POU6F2: variants seen among roughly 807,000 people sequenced by gnomAD.
POU6F2 encodes POU class 6 homeobox 2.
A neutral mutation model predicts 71.3 loss-of-function variants in POU6F2; 31 were observed. The observed-to-expected ratio is 0.43, with a 90% confidence interval of 0.33 to 0.59. The LOEUF is 0.59. POU6F2 is among the 20% of genes least tolerant of loss of function. POU6F2 has a pLI of 0.04. For synonymous variants in POU6F2, 347 were observed against 355.7 expected (o/e 0.98, Z 0.27); for missense variants, 783 against 856.8 (o/e 0.91, Z 1.07).
intron 5 of POU6F2, among the ~76,000 whole-genome samples, chr7:39,370,546 T>C (rs1786586778): frequency 6.6e-6 from 1 of 152,220 alleles, no homozygotes; most frequent in Admixed American, 6.5e-5. Flanking sequence ...AGTTATTCAA[T>C]TGGATAATTT....
intron 2 of POU6F2, among the ~76,000 whole-genome samples, chr7:39,090,181 C>T (rs1034516001): frequency 6.6e-5 from 10 of 151,822 alleles, no homozygotes; most frequent in African/African-American, 1.9e-4. Flanking sequence ...TTGAAAAAGG[C>T]CTTAAAGTTG....
At chr7:39,397,507 T>A (rs1185771974) in intron 5 of POU6F2, among the ~76,000 whole-genome samples, 1 of 147,854 alleles carries the variant, frequency 6.8e-6, no homozygotes, top group Non-Finnish European at 1.5e-5. Context: ...TATATACACA[T>A]TTTGGAGACA....
chr7:39,324,006 G>T (rs768394487), intron 4 of POU6F2, among the ~76,000 whole-genome samples: 7 of 151,872 alleles, frequency 4.6e-5, no homozygotes, highest in Non-Finnish European at 1.0e-4. Flanking sequence ...TACTTGGGAG[G>T]CTGAGGCAGG....
At chr7:39,315,852 C>A (rs187622012) in intron 4 of POU6F2, among the ~76,000 whole-genome samples, 1 of 152,182 alleles carries the variant, frequency 6.6e-6, no homozygotes, top group Non-Finnish European at 1.5e-5. Context: ...TGTGGAGTGA[C>A]GAATTTTTTC....
chr7:39,094,259 T>G (rs975150727), intron 2 of POU6F2, among the ~76,000 whole-genome samples: 1 of 152,028 alleles, frequency 6.6e-6, no homozygotes, highest in Admixed American at 6.6e-5. Flanking sequence ...AAATCTGGGG[T>G]TTTTGGACAA....
At chr7:39,000,122 AG>A (rs1244236343) in intron 1 of POU6F2, among the ~76,000 whole-genome samples, 1 of 152,198 alleles carries the variant, frequency 6.6e-6, no homozygotes, top group Non-Finnish European at 1.5e-5. Context: ...GTGGACAGTC[AG>A]GGGTCAGTTA....
chr7:39,016,057 T>TATATGTAATATATAGATATATATC (rs1789531457), intron 1 of POU6F2, among the ~76,000 whole-genome samples: 1 of 37,916 alleles, frequency 2.6e-5, no homozygotes, highest in African/African-American at 8.5e-5. Context: ...TTATATATAT[T>TATATGTAATATATAGATATATATC]ATATATAATA....
intron 2 of POU6F2, among the ~76,000 whole-genome samples, chr7:39,201,060 T>C (rs1793890797): frequency 2.0e-5 from 3 of 152,062 alleles, no homozygotes; most frequent in African/African-American, 7.2e-5. Context: ...ATATTTTCAT[T>C]AAATAATAAT....
chr7:39,018,062 A>G (rs1789601593), intron 1 of POU6F2, among the ~76,000 whole-genome samples: 1 of 152,036 alleles, frequency 6.6e-6, no homozygotes, highest in Non-Finnish European at 1.5e-5. Flanking sequence ...TTCCTAGCCT[A>G]TTGAAAAGTC....
intron 1 of POU6F2, among the ~76,000 whole-genome samples, chr7:39,024,535 A>G (rs1485081769): frequency 2.0e-5 from 3 of 152,002 alleles, no homozygotes; most frequent in African/African-American, 7.3e-5. Flanking sequence ...AGAACTTCCA[A>G]CTCTATGTCG....
At position 39,464,600 on chromosome 7, in the gene POU6F2, AAC is replaced by A; in HGVS notation, c.2081_2082del (p.Thr694AsnfsTer2). 6.2e-7 allele frequency: 1 copy of A among 1,611,342 alleles called. No individual in the cohort carries two copies. Among genetic ancestry groups the A allele is most frequent in the Non-Finnish European group, 8.5e-7 (1 of 1,178,778 alleles). ...CTGCAATAAGAGGCAAGCCCTGAAG[AAC>A]ACAATTAAACGCTTAAAACAGCACG... ...WFCNKRQALK[N>X]TIKRLKQHEP... is the part of the protein sequence containing the mutation. On this transcript the variant is annotated frameshift_variant, in exon 10 of 10. Coordinates refer to ENST00000518318, the MANE Select transcript of POU6F2 (RefSeq NM_001370959.1). LOFTEE classifies it high-confidence loss of function. This position sits in a 1 kb window ranked among gnomAD's most constrained non-coding sequence, Gnocchi z 4.1.
intron 4 of POU6F2, among the ~76,000 whole-genome samples, chr7:39,269,656 C>T (rs1351788754): frequency 2.0e-5 from 3 of 152,198 alleles, no homozygotes; most frequent in African/African-American, 7.2e-5. Context: ...GAGTTTGAGG[C>T]AGGACTGGTT....
chr7:39,397,809 TTTGTGTATATATATATATATA>T (rs1442795369), intron 5 of POU6F2, among the ~76,000 whole-genome samples: 1 of 125,534 alleles, frequency 8.0e-6, no homozygotes, highest in Non-Finnish European at 1.7e-5. Context: ...TTTTATATAT[TTTGTGTATATATATATATATA>T]TATAGTAGAG....
chr7:39,261,060 C>A (rs1205765751), intron 4 of POU6F2, among the ~76,000 whole-genome samples: 1 of 118,460 alleles, frequency 8.4e-6, no homozygotes, highest in African/African-American at 3.4e-5. Flanking sequence ...AACACATACA[C>A]ACATGCACAC....
rs367576595 is a variant in POU6F2, at chr7:39,274,955, G to A, written c.599-64687G>A. Among the ~76,000 whole-genome samples, 272 of 151,834 alleles carry A rather than the reference G, an allele frequency of 1.8e-3. 4 individuals carry two copies. In the East Asian group the frequency reaches 0.03, roughly 17 times the overall value. ...CCACAGCCAATATCATACTGAATAG[G>A]CAAAAACTGGAAGCATTCCCTTTGA... On this transcript the variant is annotated intron_variant, in intron 4 of 9. Coordinates refer to ENST00000518318, the MANE Select transcript of POU6F2 (RefSeq NM_001370959.1).
chr7:39,247,674 G>A (rs1783845502), intron 4 of POU6F2, among the ~76,000 whole-genome samples: 1 of 152,088 alleles, frequency 6.6e-6, no homozygotes, highest in African/African-American at 2.4e-5. Context: ...TGATATATGG[G>A]TACTTGTCAG....
intron 2 of POU6F2, among the ~76,000 whole-genome samples, chr7:39,167,137 A>G (rs934302551): frequency 2.0e-5 from 3 of 152,138 alleles, no homozygotes; most frequent in Non-Finnish European, 4.4e-5. Flanking sequence ...CAGACAGATA[A>G]TATGTTGTAT....
At chr7:39,218,657 T>G (rs1349971159) in intron 4 of POU6F2, among the ~76,000 whole-genome samples, 1 of 152,044 alleles carries the variant, frequency 6.6e-6, no homozygotes, top group Non-Finnish European at 1.5e-5. Flanking sequence ...TAGGAAACCA[T>G]TGCAGGAATC....
intron 4 of POU6F2, among the ~76,000 whole-genome samples, chr7:39,208,008 G>C (rs537256370): frequency 1.8e-4 from 27 of 152,260 alleles, no homozygotes; most frequent in Admixed American, 1.4e-3. Context: ...TTGCTTTTTT[G>C]TGTTTGAAGT....
Sources: allele counts gnomAD v4.1 joint callset (sites outside exome capture counted in the v4.1 genomes callset), GRCh38; gene constraint gnomAD v4.1.1; non-coding constraint Gnocchi (gnomAD v3.1); transcripts MANE v1.5; gene names NCBI Gene and HGNC (gene_info 2026-07-23, HGNC 2026-07-21).